The following ARHGAP19 variants were observed in gnomAD, a reference collection of about 807,000 sequenced individuals.
ARHGAP19 encodes the protein rho GTPase-activating protein 19.
Under a neutral mutation model 60.9 loss-of-function variants are expected in ARHGAP19, and 48 were observed. That is an observed-to-expected ratio of 0.79 (90% CI 0.62 to 1.00). The LOEUF (loss-of-function observed/expected upper bound fraction) is 1.00. ARHGAP19 is among the 50% of genes least tolerant of loss of function. ARHGAP19 has a pLI of 0.00. For synonymous variants in ARHGAP19, 209 were observed against 215.5 expected (o/e 0.97, Z 0.27); for missense variants, 562 against 597.2 (o/e 0.94, Z 0.61).
intron 5 of ARHGAP19, chr10:97,258,763 A>G (rs1346014844): frequency 6.5e-6 from 1 of 152,734 alleles, no homozygotes; most frequent in East Asian, 1.9e-4. Flanking sequence ...CCCTGTCTCA[A>G]AAAAACAGAA....
chr10:97,286,067 A>G (rs976362166), intron 1 of ARHGAP19, among the ~76,000 whole-genome samples: 10 of 152,218 alleles, frequency 6.6e-5, no homozygotes, highest in Non-Finnish European at 1.5e-4. Flanking sequence ...CTGATCATTG[A>G]TAAAATGTAA....
At position 97,251,875 on chromosome 10, in the gene ARHGAP19, C is replaced by T. The variant is rs142692077; in HGVS notation, c.927+4443G>A. Reference sequence around the variant, plus strand: ...ATCCAGAAAGGGCACCAGGCTTAGACAAATAGGCTTACATGAAAGTCTGAG... The same window carrying T: ...ATCCAGAAAGGGCACCAGGCTTAGATAAATAGGCTTACATGAAAGTCTGAG... On this transcript the variant is annotated intron_variant, in intron 6 of 11. Transcript: ENST00000358531. Among the ~76,000 whole-genome samples the T allele has an allele frequency of 1.7e-3, 256 of 149,504 alleles. 2 individuals carry two copies. The highest frequency in any genetic ancestry group is 6.0e-3 in the African/African-American group (241 of 40,420).
intron 8 of ARHGAP19, among the ~76,000 whole-genome samples, chr10:97,237,263 CAAAAAA>C (rs367997995): frequency 8.4e-6 from 1 of 119,060 alleles, no homozygotes; most frequent in Admixed American, 9.0e-5. Flanking sequence ...GACCTTGTCT[CAAAAAA>C]AAAAAAAAAA....
At chr10:97,278,463 C>T (rs777037731) in intron 1 of ARHGAP19, among the ~76,000 whole-genome samples, 21 of 152,118 alleles carry the variant, frequency 1.4e-4, no homozygotes, top group Non-Finnish European at 3.1e-4. Context: ...AATTTAGTCA[C>T]TTTAAAGCCT....
Position 97,270,523 on chromosome 10 carries a change from T to G in ARHGAP19, c.57-4398A>C, listed in dbSNP as rs904705549. 15 of 1,145,022 alleles carry G rather than the reference T, an allele frequency of 1.3e-5. No homozygotes were observed. The African/African-American group carries it at 2.2e-4, about 17-fold the overall frequency. The allele number at this position is 1,145,022 out of a possible 1,614,324, so 70.9% of individuals were successfully genotyped here. The stretch of plus-strand genomic sequence containing the variant: ...GGACTAAAGAAAAAACTACTATATT[T>G]AAGCAAAAACAACTTTCTACTCTAC... On this transcript the variant is annotated intron_variant, in intron 1 of 11. Transcript: ENST00000358531.
At chr10:97,233,713 C>T (rs1221307808) in intron 9 of ARHGAP19, among the ~76,000 whole-genome samples, 1 of 151,724 alleles carries the variant, frequency 6.6e-6, no homozygotes, top group Non-Finnish European at 1.5e-5. Flanking sequence ...ACTAAAACTA[C>T]AAAAATGAGC....
At chr10:97,241,356 A>G (rs1481466439) in intron 8 of ARHGAP19, among the ~76,000 whole-genome samples, 2 of 151,598 alleles carry the variant, frequency 1.3e-5, no homozygotes, top group Admixed American at 1.3e-4. Context: ...TTACATCTAC[A>G]CTCCAGCCTG....
chr10:97,235,099 T>A, intron 9 of ARHGAP19, 118 bp downstream of exon 9: 1 of 910,680 alleles, frequency 1.1e-6, no homozygotes. Context: ...TACCCCCTTA[T>A]AAACTAGCCC....
chr10:97,264,998 T>C, intron 2 of ARHGAP19, 92 bp from the exon 3 acceptor site: 1 of 973,536 alleles, frequency 1.0e-6, no homozygotes, highest in Non-Finnish European at 1.6e-6. Flanking sequence ...TATTTTACAA[T>C]TCAGCAAGCA....
chr10:97,239,550 GGGTGTGTGTGTGT>G (rs1564713486), intron 8 of ARHGAP19, among the ~76,000 whole-genome samples: 6,022 of 114,836 alleles, frequency 0.052, 189 homozygotes, highest in Middle Eastern at 0.087. Flanking sequence ...GAGAGAGAGA[GGGTGTGTGTGTGT>G]GTGTGTGTGT....
At chr10:97,285,652 G>T (rs1473482648) in intron 1 of ARHGAP19, among the ~76,000 whole-genome samples, 1 of 151,444 alleles carries the variant, frequency 6.6e-6, no homozygotes, top group Non-Finnish European at 1.5e-5. Context: ...CTCCCTAGTA[G>T]CTGGGATTAT....
chr10:97,242,025 T>A lies in ARHGAP19; in HGVS notation c.1185+1943A>T, dbSNP rs868647205. 3.5e-3 allele frequency among the ~76,000 whole-genome samples: 512 copies of A among 145,106 alleles called. 3 individuals carry two copies. Among genetic ancestry groups the A allele is most frequent in the Non-Finnish European group, 4.4e-3 (291 of 66,478 alleles). On this transcript the variant is annotated intron_variant, in intron 8 of 11. Coordinates refer to ENST00000358531, the MANE Select transcript of ARHGAP19 (RefSeq NM_032900.6). Reference sequence around the variant, plus strand: ...ACTCTGCCTCAAAAAAAAAAAAAAATAATAATAATAATAATTAATAAATAA... The same window carrying A: ...ACTCTGCCTCAAAAAAAAAAAAAAAAAATAATAATAATAATTAATAAATAA...
intron 9 of ARHGAP19, among the ~76,000 whole-genome samples, chr10:97,234,299 C>T (rs538973273): frequency 1.3e-5 from 2 of 151,478 alleles, no homozygotes; most frequent in Admixed American, 6.6e-5. Context: ...AAATAGCTAA[C>T]GCATGCTGGG....
At chr10:97,289,360 C>T (rs955248271) in intron 1 of ARHGAP19, among the ~76,000 whole-genome samples, 3 of 152,028 alleles carry the variant, frequency 2.0e-5, no homozygotes, top group African/African-American at 7.2e-5. Context: ...AGGTGATGCA[C>T]CCGCCTCAGC....
At chr10:97,269,129 C>G (rs1225880028) in intron 1 of ARHGAP19, among the ~76,000 whole-genome samples, 1 of 152,094 alleles carries the variant, frequency 6.6e-6, no homozygotes, top group Non-Finnish European at 1.5e-5. Context: ...AAGCCCTGTT[C>G]CAGGAAAAAT....
intron 1 of ARHGAP19, among the ~76,000 whole-genome samples, chr10:97,266,943 G>A (rs184749135): frequency 1.1e-3 from 163 of 151,970 alleles, no homozygotes; most frequent in African/African-American, 3.6e-3. Flanking sequence ...ATTCTGCCCC[G>A]GCCCCTCCCA....
intron 1 of ARHGAP19, among the ~76,000 whole-genome samples, chr10:97,284,952 C>T (rs2134926460): frequency 6.6e-6 from 1 of 151,336 alleles, no homozygotes; most frequent in South Asian, 2.1e-4. Context: ...CAACCTCCGC[C>T]TCCCAGGTTC....
At chr10:97,262,471 C>A (rs745534586) in intron 4 of ARHGAP19, among the ~76,000 whole-genome samples, 4 of 151,920 alleles carry the variant, frequency 2.6e-5, no homozygotes, top group Non-Finnish European at 4.4e-5. Context: ...TCGAGACCAG[C>A]CTGGCCAACA....
chr10:97,286,942 T>G (rs1295381191), intron 1 of ARHGAP19, among the ~76,000 whole-genome samples: 10 of 152,068 alleles, frequency 6.6e-5, no homozygotes, highest in Admixed American at 6.6e-4. Context: ...GATAGTTTTT[T>G]TTGTTTTTGT....
Sources: gnomAD v4.1 joint callset for allele counts (sites outside exome capture counted in the v4.1 genomes callset) on GRCh38, gnomAD v4.1.1 for gene constraint, MANE v1.5 for transcripts, NCBI Gene and HGNC (gene_info 2026-07-23, HGNC 2026-07-21) for gene names.